The following GRAMD2B variants were observed in gnomAD, a reference collection of about 807,000 sequenced individuals.
The protein encoded by GRAMD2B is GRAM domain containing 2B.
GRAMD2B carries 41 observed loss-of-function variants against 59.2 expected under a neutral mutation model. The ratio of observed to expected loss-of-function variants is 0.69; its 90% CI spans 0.54 to 0.90. The LOEUF (loss-of-function observed/expected upper bound fraction) is 0.90. GRAMD2B is among the 40% of genes least tolerant of loss of function. The pLI is 0.00. For synonymous variants in GRAMD2B, 161 were observed against 182.7 expected, an observed-to-expected ratio of 0.88 and a Z score of 0.96; for missense variants, 424 against 500.5, an observed-to-expected ratio of 0.85 and a Z score of 1.46.
At chr5:126,401,631 A>AT (rs1757850231) in intron 1 of GRAMD2B, among the ~76,000 whole-genome samples, 1 of 152,048 alleles carries the variant, frequency 6.6e-6, no homozygotes, top group African/African-American at 2.4e-5. Context: ...CAAGCTAGAA[A>AT]TTTGCAGGGC....
chr5:126,442,797 A>G (rs924618941), intron 1 of GRAMD2B, among the ~76,000 whole-genome samples: 1 of 152,132 alleles, frequency 6.6e-6, no homozygotes, highest in Non-Finnish European at 1.5e-5. Flanking sequence ...AAAATCTATG[A>G]TTCTACAAAG....
chr5:126,409,581 G>T (rs1758581875), intron 1 of GRAMD2B, among the ~76,000 whole-genome samples: 1 of 152,086 alleles, frequency 6.6e-6, no homozygotes, highest in Non-Finnish European at 1.5e-5. Context: ...GTAGGTTCTG[G>T]ATATTAGCCC....
At chr5:126,361,078 C>G (rs563313896) in intron 1 of GRAMD2B, among the ~76,000 whole-genome samples, 1 of 152,110 alleles carries the variant, frequency 6.6e-6, no homozygotes, top group East Asian at 1.9e-4. Flanking sequence ...AGCAGAGTAA[C>G]AAGTATATGT....
chr5:126,465,872 C>T (rs1395754717), intron 2 of GRAMD2B, among the ~76,000 whole-genome samples: 1 of 152,072 alleles, frequency 6.6e-6, no homozygotes, highest in East Asian at 1.9e-4. Flanking sequence ...GGTGTGCACA[C>T]CTGGTGTCTC....
intron 1 of GRAMD2B, among the ~76,000 whole-genome samples, chr5:126,396,382 T>C (rs1757364828): frequency 6.6e-6 from 1 of 152,204 alleles, no homozygotes; most frequent in Admixed American, 6.5e-5. Context: ...TATGTGTCCA[T>C]GTGTTCTCAT....
chr5:126,492,795 C>T (rs1774182727), intron 13 of GRAMD2B, 120 bp from the exon 14 acceptor site: 2 of 619,138 alleles, frequency 3.2e-6, no homozygotes, highest in Non-Finnish European at 5.6e-6. Flanking sequence ...TAAATTTAAC[C>T]CTTTTGTAGC....
At chr5:126,376,183 T>G (rs1031334365) in intron 1 of GRAMD2B, among the ~76,000 whole-genome samples, 6 of 152,196 alleles carry the variant, frequency 3.9e-5, no homozygotes, top group African/African-American at 1.2e-4. Flanking sequence ...AGTTGCTCAG[T>G]GGAGTTAGTG....
At chr5:126,480,590 G>A (rs1357659147) in intron 7 of GRAMD2B, 37 bp from the exon 8 acceptor site, 14 of 1,609,364 alleles carry the variant, frequency 8.7e-6, no homozygotes, top group Non-Finnish European at 1.2e-5. Flanking sequence ...TGGTTTCATA[G>A]TTAATCTGGC....
intron 1 of GRAMD2B, among the ~76,000 whole-genome samples, chr5:126,387,839 G>C (rs1016277580): frequency 6.6e-6 from 1 of 152,078 alleles, no homozygotes; most frequent in Non-Finnish European, 1.5e-5. Context: ...TTAGGGACTA[G>C]TTCATTCTTT....
rs1230502286 is a variant in GRAMD2B at position 126,423,476 on chromosome 5, G to C, written c.-131G>C. The C allele has an allele frequency of 6.9e-7, 1 of 1,452,468 alleles. No individual in the cohort carries two copies. Among genetic ancestry groups the C allele is most frequent in the Admixed American group, 3.2e-5 (1 of 30,902 alleles). 90.0% of individuals were successfully genotyped at this position (1,452,468 alleles called of 1,614,324 possible). A position where few individuals can be genotyped will look rare whatever the true frequency, so the allele number is the denominator to read the frequency against. Reference sequence around the variant, plus strand: ...GCTTGGCGCGGCCCGGCCTGGATGCGCTGGGCGGAGGGTGCAGGGGAGGGC... The same window carrying C: ...GCTTGGCGCGGCCCGGCCTGGATGCCCTGGGCGGAGGGTGCAGGGGAGGGC... On this transcript the variant is annotated 5_prime_UTR_variant, in exon 1 of 14. Coordinates refer to ENST00000285689, the MANE Select transcript of GRAMD2B (RefSeq NM_023927.4).
chr5:126,493,231 C>G lies in GRAMD2B; in HGVS notation c.*275C>G, dbSNP rs151273206. 33 of 448,002 alleles carry G rather than the reference C, an allele frequency of 7.4e-5. No homozygotes were observed. The highest frequency in any genetic ancestry group is 1.2e-4 in the Non-Finnish European group (30 of 246,938). The allele number at this position is 448,002 out of a possible 1,614,324, so 27.8% of individuals were successfully genotyped here. ...TCTGGAGGTCTCAGGAAGGGCCCAG[C>G]GAACACACTCTCTTGGATAATTACC... On this transcript the variant is annotated 3_prime_UTR_variant, in exon 14 of 14. Transcript: ENST00000285689.
intron 12 of GRAMD2B, 31 bp from the exon 13 acceptor site, chr5:126,488,768 C>T (rs1773412752): frequency 1.4e-6 from 2 of 1,461,702 alleles, no homozygotes; most frequent in Non-Finnish European, 1.9e-6. Context: ...GTCATCCCTG[C>T]CCATAATAAT....
At chr5:126,418,099 G>T (rs1292799382) in intron 1 of GRAMD2B, among the ~76,000 whole-genome samples, 2 of 152,164 alleles carry the variant, frequency 1.3e-5, no homozygotes, top group Non-Finnish European at 2.9e-5. Flanking sequence ...AATAGCAGCA[G>T]GAAATAGGCC....
intron 1 of GRAMD2B, among the ~76,000 whole-genome samples, chr5:126,447,998 T>C (rs1167714180): frequency 6.6e-6 from 1 of 151,626 alleles, no homozygotes; most frequent in African/African-American, 2.4e-5. Context: ...TAGGTGGGAT[T>C]ACAGGCATGC....
At chr5:126,453,249 T>C (rs1190909284) in intron 1 of GRAMD2B, among the ~76,000 whole-genome samples, 3 of 151,638 alleles carry the variant, frequency 2.0e-5, no homozygotes, top group Admixed American at 2.0e-4. Context: ...GCAGGAGAAT[T>C]GTTTGAACCC....
At chr5:126,397,626 G>A (rs1197677627) in intron 1 of GRAMD2B, among the ~76,000 whole-genome samples, 1 of 152,158 alleles carries the variant, frequency 6.6e-6, no homozygotes, top group Admixed American at 6.5e-5. Flanking sequence ...TGCCTATTGA[G>A]ACAATCATGT....
rs761242750 is a variant in GRAMD2B, at chr5:126,465,561, ACT to A, written c.203+21_203+22del. Reference sequence around the variant, plus strand: ...TTAGCCTATGGTAAGTCCTCCGTTGACTCTCTTTGTTCTCTTTTGTCTTTTGG... The same window carrying A: ...TTAGCCTATGGTAAGTCCTCCGTTGACTCTTTGTTCTCTTTTGTCTTTTGG... On this transcript the variant is annotated intron_variant, in intron 2 of 13. Coordinates refer to ENST00000285689, the MANE Select transcript of GRAMD2B (RefSeq NM_023927.4). 1.2e-6 allele frequency: 2 copies of A among 1,609,444 alleles called. No individual in the cohort carries two copies. The highest frequency in any genetic ancestry group is 2.7e-5 in the African/African-American group (2 of 74,540).
Position 126,415,856 on chromosome 5 carries a change from A to G in GRAMD2B, c.125+44289A>G, listed in dbSNP as rs1759225723. Reference sequence around the variant, plus strand: ...AATATATTTAAAAAGACGAAAAGTCAGAATAAGCAATAAAAAGTATACAAG... The same window carrying G: ...AATATATTTAAAAAGACGAAAAGTCGGAATAAGCAATAAAAAGTATACAAG... On this transcript the variant is annotated intron_variant, in intron 1 of 8. Transcript: ENST00000506445. Among the ~76,000 whole-genome samples the G allele has an allele frequency of 1.3e-5, 2 of 152,256 alleles. 1 individual carries two copies. The highest frequency in any genetic ancestry group is 2.9e-5 in the Non-Finnish European group (2 of 68,042).
At chr5:126,427,652 A>C (rs926038450) in intron 1 of GRAMD2B, among the ~76,000 whole-genome samples, 5 of 152,236 alleles carry the variant, frequency 3.3e-5, no homozygotes, top group Admixed American at 6.5e-5. Flanking sequence ...TTTTACTTAA[A>C]ATAGTGAATT....
Sources: allele counts gnomAD v4.1 joint callset (sites outside exome capture counted in the v4.1 genomes callset), GRCh38; gene constraint gnomAD v4.1.1; transcripts MANE v1.5; gene names NCBI Gene and HGNC (gene_info 2026-07-23, HGNC 2026-07-21).